NCKAP5: variants seen among roughly 807,000 people sequenced by gnomAD.
NCKAP5 encodes the protein NCK associated protein 5, also known as nck-associated protein 5.
A neutral mutation model predicts 167.0 loss-of-function variants in NCKAP5; 92 were observed. The observed-to-expected ratio is 0.55, with a 90% CI of 0.47 to 0.66. The LOEUF is 0.66. Ranked by LOEUF, NCKAP5 falls within the 30% of genes least tolerant of loss-of-function variation. The pLI is 0.00. For synonymous variants in NCKAP5, 891 were observed against 877.4 expected, an observed-to-expected ratio of 1.02 and a Z score of -0.27; for missense variants, 2,378 against 2,315.0, an observed-to-expected ratio of 1.03 and a Z score of -0.56.
At position 133,078,809 on chromosome 2, in the gene NCKAP5, G is replaced by C; in HGVS notation, c.341+51169C>G. Among the ~76,000 whole-genome samples the C allele has an allele frequency of 1.3e-5, 2 of 152,046 alleles. 1 individual carries two copies. Among genetic ancestry groups the C allele is most frequent in the South Asian group, 4.1e-4 (2 of 4,822 alleles). On this transcript the variant is annotated intron_variant, in intron 6 of 19. Coordinates refer to ENST00000409261, the MANE Select transcript of NCKAP5 (RefSeq NM_207363.3). ...TATGAAGCACTATAGGATGTGTTCG[G>C]TATCTCAGCAACAAGAGATGCCTTG...
At chr2:133,111,781 C>T (rs1308888693) in intron 6 of NCKAP5, among the ~76,000 whole-genome samples, 1 of 152,152 alleles carries the variant, frequency 6.6e-6, no homozygotes, top group African/African-American at 2.4e-5. Context: ...TCACACTGGG[C>T]TGTGATGAAC....
chr2:132,840,765 G>A (rs1197804864), intron 11 of NCKAP5, among the ~76,000 whole-genome samples: 6 of 152,062 alleles, frequency 3.9e-5, no homozygotes, highest in African/African-American at 1.2e-4. Flanking sequence ...GTTTGTGTGC[G>A]TATGTTTTGA....
intron 11 of NCKAP5, among the ~76,000 whole-genome samples, chr2:132,816,701 T>C (rs1686300592): frequency 6.6e-6 from 1 of 152,204 alleles, no homozygotes. Flanking sequence ...GGAAGCTAAC[T>C]GGATGACACT....
At chr2:133,440,237 A>G (rs1317629660) in intron 3 of NCKAP5, among the ~76,000 whole-genome samples, 10 of 152,340 alleles carry the variant, frequency 6.6e-5, no homozygotes, top group Non-Finnish European at 2.9e-5. Context: ...TTAGTATCCT[A>G]GCTCTGACCC....
intron 19 of NCKAP5, among the ~76,000 whole-genome samples, chr2:132,725,198 A>C (rs949216345): frequency 1.3e-5 from 2 of 152,262 alleles, no homozygotes; most frequent in African/African-American, 2.4e-5. Context: ...TCAACCTCAC[A>C]AACAGACCTG....
At chr2:132,865,713 T>C (rs1423604219) in intron 10 of NCKAP5, among the ~76,000 whole-genome samples, 1 of 152,088 alleles carries the variant, frequency 6.6e-6, no homozygotes, top group African/African-American at 2.4e-5. Flanking sequence ...CAGAATGGGA[T>C]TGTGGAGGAA....
chr2:133,191,817 T>G (rs924165027), intron 5 of NCKAP5, among the ~76,000 whole-genome samples: 4 of 151,884 alleles, frequency 2.6e-5, no homozygotes, highest in African/African-American at 9.7e-5. Flanking sequence ...ATACCTAATG[T>G]AAATGATGAG....
chr2:132,678,460 G>C lies in NCKAP5; in HGVS notation c.5714-5155C>G, dbSNP rs571085879. ...GCACTAACATTTATAATGAGGATTGGAGCTCTTAGCACAAGTTAATGCAAA... is the reference window on the plus strand; with the variant it reads ...GCACTAACATTTATAATGAGGATTGCAGCTCTTAGCACAAGTTAATGCAAA... On this transcript the variant is annotated intron_variant, in intron 19 of 19. Coordinates refer to ENST00000409261, the MANE Select transcript of NCKAP5 (RefSeq NM_207363.3). Among the ~76,000 whole-genome samples, 27 of 152,182 alleles carry C rather than the reference G, an allele frequency of 1.8e-4. 1 individual carries two copies. The Middle Eastern group carries it at 0.01, about 58-fold the overall frequency.
the NCKAP5 span, among the ~76,000 whole-genome samples, chr2:133,586,832 G>C: frequency 1.3e-5 from 2 of 151,954 alleles, no homozygotes; most frequent in Non-Finnish European, 2.9e-5. Context: ...GTGAGGAATA[G>C]GGTGGGGCTG....
At chr2:133,060,955 C>T (rs2079978089) in intron 6 of NCKAP5, among the ~76,000 whole-genome samples, 1 of 151,956 alleles carries the variant, frequency 6.6e-6, no homozygotes, top group Non-Finnish European at 1.5e-5. Flanking sequence ...ATGGGGACGG[C>T]CTGCATTCTT....
Position 133,168,335 on chromosome 2 carries a change from AC to A in NCKAP5, c.208-38225del, listed in dbSNP as rs1311715955. ...TGTTGCCTGAATCTCACTTTCTGGA[AC>A]AGTAGCATATGACCATATATAAAGC... On this transcript the variant is annotated intron_variant, in intron 5 of 19. Transcript: ENST00000409261. Among the ~76,000 whole-genome samples, 18 of 150,822 alleles carry A rather than the reference AC, an allele frequency of 1.2e-4. No individual in the cohort carries two copies. The East Asian group carries it at 3.5e-3, about 29-fold the overall frequency.
chr2:132,997,909 G>A (rs2077653790), intron 6 of NCKAP5, among the ~76,000 whole-genome samples: 1 of 152,116 alleles, frequency 6.6e-6, no homozygotes, highest in Non-Finnish European at 1.5e-5. Flanking sequence ...CTCTTGAGTG[G>A]TATCAGATTT....
chr2:133,563,295 G>A (rs1475586289), intron 1 of NCKAP5, among the ~76,000 whole-genome samples: 3 of 152,156 alleles, frequency 2.0e-5, no homozygotes, highest in Non-Finnish European at 2.9e-5. Flanking sequence ...GTCTGGCCGG[G>A]CGCAGTGGCT....
At chr2:133,273,168 C>T (rs1290784422) in intron 4 of NCKAP5, among the ~76,000 whole-genome samples, 1 of 152,160 alleles carries the variant, frequency 6.6e-6, no homozygotes, top group Admixed American at 6.5e-5. Context: ...TTCCCACCAG[C>T]AATGTCTCAG....
Position 132,695,965 on chromosome 2 carries a change from C to T in NCKAP5, c.5714-22660G>A, listed in dbSNP as rs562510220. ...AGATTAAATGTGTTTCAGAATATCACCTACACTAGCAGTTAACTTTCATTT... is the reference window on the plus strand; with the variant it reads ...AGATTAAATGTGTTTCAGAATATCATCTACACTAGCAGTTAACTTTCATTT... On this transcript the variant is annotated intron_variant, in intron 19 of 19. Transcript: ENST00000409261. Among the ~76,000 whole-genome samples the T allele has an allele frequency of 5.8e-4, 89 of 152,274 alleles. No individual in the cohort carries two copies. The Middle Eastern group carries it at 0.01, about 17-fold the overall frequency.
intron 11 of NCKAP5, among the ~76,000 whole-genome samples, chr2:132,846,056 C>G (rs115952347): frequency 2.5e-3 from 374 of 152,118 alleles, no homozygotes; most frequent in African/African-American, 8.2e-3. Flanking sequence ...AATCTTTTCT[C>G]AATTACATTT....
chr2:133,058,318 T>C (rs531924605), intron 6 of NCKAP5, among the ~76,000 whole-genome samples: 2 of 152,328 alleles, frequency 1.3e-5, no homozygotes, highest in East Asian at 3.9e-4. Flanking sequence ...TTTATAAGGC[T>C]ATAGCTGCCA....
At chr2:132,700,309 G>T (rs1474955184) in intron 19 of NCKAP5, among the ~76,000 whole-genome samples, 2 of 151,108 alleles carry the variant, frequency 1.3e-5, no homozygotes, top group Admixed American at 6.5e-5. Flanking sequence ...CTTTTGCTGT[G>T]CCGAAGCTCT....
chr2:133,111,164 C>G (rs891720155), intron 6 of NCKAP5, among the ~76,000 whole-genome samples: 72 of 152,250 alleles, frequency 4.7e-4, no homozygotes, highest in African/African-American at 1.7e-3. Flanking sequence ...ATAACACACA[C>G]CACGTAAGAG....
Sources: gnomAD v4.1 joint callset for allele counts (sites outside exome capture counted in the v4.1 genomes callset) on GRCh38, gnomAD v4.1.1 for gene constraint, MANE v1.5 for transcripts, NCBI Gene and HGNC (gene_info 2026-07-23, HGNC 2026-07-21) for gene names.